KLHL5: variants seen among roughly 807,000 people sequenced by gnomAD.
KLHL5 encodes the protein kelch like family member 5, also known as kelch-like protein 5.
KLHL5 carries 48 observed loss-of-function variants against 77.7 expected under a neutral mutation model. The ratio of observed to expected loss-of-function variants is 0.62; its 90% CI spans 0.49 to 0.79. KLHL5 has a LOEUF of 0.79. KLHL5 is among the 30% of genes least tolerant of loss of function. The pLI is 0.00. For synonymous variants in KLHL5, 260 were observed against 297.0 expected (o/e 0.88, Z 1.28); for missense variants, 723 against 859.7 (o/e 0.84, Z 1.99).
chr4:39,138,762 A>G, the KLHL5 span, among the ~76,000 whole-genome samples: 3 of 152,326 alleles, frequency 2.0e-5, no homozygotes, highest in Non-Finnish European at 4.4e-5. Flanking sequence ...AAATAAGTTA[A>G]AAAAATTAAA....
the KLHL5 span, among the ~76,000 whole-genome samples, chr4:39,139,223 A>G: frequency 2.0e-5 from 3 of 150,432 alleles, no homozygotes; most frequent in African/African-American, 7.4e-5. Context: ...CGGAGGTTGC[A>G]GTGAGCCGAG....
At chr4:39,101,859 A>AT (rs71304785) in intron 6 of KLHL5, among the ~76,000 whole-genome samples, 30,681 of 102,560 alleles carry the variant, frequency 0.3, 3,933 homozygotes, top group East Asian at 0.37. Context: ...AAAAAAAAAA[A>AT]ATATATATAT....
intron 1 of KLHL5, among the ~76,000 whole-genome samples, chr4:39,072,545 A>G (rs1718579254): frequency 6.6e-6 from 1 of 152,166 alleles, no homozygotes; most frequent in Non-Finnish European, 1.5e-5. Flanking sequence ...ACTAGCCCCA[A>G]GAGAATACTG....
chr4:39,103,256 A>G (rs762780933), intron 6 of KLHL5, 31 bp from the exon 7 acceptor site: 1 of 1,469,394 alleles, frequency 6.8e-7, no homozygotes, highest in East Asian at 2.4e-5. Context: ...TATAATTTCT[A>G]TTTACATAAC....
intron 5 of KLHL5, among the ~76,000 whole-genome samples, chr4:39,089,823 T>C (rs2109424605): frequency 6.6e-6 from 1 of 152,290 alleles, no homozygotes; most frequent in Middle Eastern, 3.4e-3. Context: ...TTTTAATAAG[T>C]CTTCCAGTGG....
chr4:39,102,957 C>T (rs1447654468), intron 6 of KLHL5, among the ~76,000 whole-genome samples: 1 of 150,550 alleles, frequency 6.6e-6, no homozygotes, highest in Non-Finnish European at 1.5e-5. Flanking sequence ...AGCAGACCTA[C>T]TGCTATAAAC....
chr4:39,111,333 T>G (rs1433636004), intron 8 of KLHL5, among the ~76,000 whole-genome samples: 1 of 152,222 alleles, frequency 6.6e-6, no homozygotes, highest in African/African-American at 2.4e-5. Flanking sequence ...TTAAATAACT[T>G]GTCCATAGTC....
chr4:39,063,055 T>C lies in KLHL5; in HGVS notation c.383+20T>C, dbSNP rs28625851. ...ATGCAGGTTGATTATTTTCTTACTG[T>C]TAGAAAAGGGGTGTGGGGGTATGGC... On this transcript the variant is annotated intron_variant, in intron 1 of 10. Coordinates refer to ENST00000504108, the MANE Select transcript of KLHL5 (RefSeq NM_015990.5). 1.1e-3 allele frequency: 1,708 copies of C among 1,589,094 alleles called. 17 individuals carry two copies. In the African/African-American group the frequency reaches 0.019, roughly 18 times the overall value.
intron 1 of KLHL5, among the ~76,000 whole-genome samples, chr4:39,050,882 C>G (rs543328246): frequency 6.6e-6 from 1 of 152,356 alleles, no homozygotes; most frequent in East Asian, 1.9e-4. Flanking sequence ...TATTCCCTCC[C>G]TGAACACTGG....
Position 39,125,525 on chromosome 4 carries a change from G to C in KLHL5, c.*4459G>C, listed in dbSNP as rs536910133. Among the ~76,000 whole-genome samples the C allele has an allele frequency of 8.5e-5, 13 of 152,312 alleles. No individual in the cohort carries two copies. Among genetic ancestry groups the C allele is most frequent in the Admixed American group, 7.2e-4 (11 of 15,302 alleles). The stretch of plus-strand genomic sequence containing the variant: ...AGAATATTCAGCCATAAAGAGAAAT[G>C]AGGGACTGATACATGCTAAAGCATG... On this transcript the variant is annotated 3_prime_UTR_variant, in exon 11 of 11. Transcript: ENST00000504108.
At chr4:39,051,260 C>T (rs775615133) in intron 1 of KLHL5, among the ~76,000 whole-genome samples, 4 of 151,972 alleles carry the variant, frequency 2.6e-5, no homozygotes, top group African/African-American at 7.3e-5. Context: ...TCAAACTACG[C>T]GATAATCTCC....
chr4:39,104,293 A>G (rs138696486), intron 7 of KLHL5, among the ~76,000 whole-genome samples: 2 of 152,204 alleles, frequency 1.3e-5, no homozygotes, highest in African/African-American at 4.8e-5. Flanking sequence ...ACTATATGAA[A>G]TTTAACACAG....
At chr4:39,109,659 G>A (rs1301367484) in intron 8 of KLHL5, among the ~76,000 whole-genome samples, 1 of 146,640 alleles carries the variant, frequency 6.8e-6, no homozygotes, top group African/African-American at 2.5e-5. Context: ...TTTGGAGGGG[G>A]TGGTGGGGAA....
At chr4:39,133,196 AT>A in the KLHL5 span, among the ~76,000 whole-genome samples, 1 of 152,190 alleles carries the variant, frequency 6.6e-6, no homozygotes, top group African/African-American at 2.4e-5. Flanking sequence ...AGTGTTAAAA[AT>A]TATGCTAATT....
chr4:39,141,469 A>T, the KLHL5 span, among the ~76,000 whole-genome samples: 1 of 151,708 alleles, frequency 6.6e-6, no homozygotes, highest in Non-Finnish European at 1.5e-5. Flanking sequence ...CCACCACGCC[A>T]GGCTAATAAT....
At chr4:39,134,990 G>A in the KLHL5 span, among the ~76,000 whole-genome samples, 1 of 152,182 alleles carries the variant, frequency 6.6e-6, no homozygotes, top group Non-Finnish European at 1.5e-5. Flanking sequence ...CTGCTGTGAT[G>A]TATCAGACAG....
chr4:39,047,075 A>G (rs955324693), intron 1 of KLHL5, among the ~76,000 whole-genome samples: 3 of 152,244 alleles, frequency 2.0e-5, no homozygotes, highest in Admixed American at 2.0e-4. Flanking sequence ...AATATTTTCC[A>G]AATCTATATG....
intron 5 of KLHL5, among the ~76,000 whole-genome samples, chr4:39,095,578 G>T (rs908574928): frequency 9.3e-5 from 14 of 151,262 alleles, no homozygotes; most frequent in African/African-American, 3.4e-4. Flanking sequence ...TTTAGTAGCA[G>T]AAAAAAGTAT....
rs542342845 is a variant in KLHL5 at position 39,093,563 on chromosome 4, C to T, written c.1114-3129C>T. 1.1e-4 allele frequency: 43 copies of T among 383,364 alleles called. 1 individual carries two copies. Among genetic ancestry groups the T allele is most frequent in the South Asian group, 8.2e-4 (42 of 51,070 alleles). The allele number at this position is 383,364 out of a possible 1,614,324, so 23.7% of individuals were successfully genotyped here. A position where few individuals can be genotyped will look rare whatever the true frequency, so the allele number is the denominator to read the frequency against. ...ACCCACAGTGTATCAAAAGGATACA[C>T]TCTGACCAGAAAGGTCTTTTTCCAG... On this transcript the variant is annotated intron_variant, in intron 5 of 10. Transcript: ENST00000504108.
Sources: gnomAD v4.1 joint callset for allele counts (sites outside exome capture counted in the v4.1 genomes callset) on GRCh38, gnomAD v4.1.1 for gene constraint, MANE v1.5 for transcripts, NCBI Gene and HGNC (gene_info 2026-07-23, HGNC 2026-07-21) for gene names.